The following FCHSD2 variants were observed in gnomAD, a reference collection of about 807,000 sequenced individuals.
FCHSD2 encodes FCH and double SH3 domains 2.
A neutral mutation model predicts 108.1 loss-of-function variants in FCHSD2; 38 were observed. The observed-to-expected ratio is 0.35, with a 90% CI of 0.27 to 0.46. The LOEUF (loss-of-function observed/expected upper bound fraction) is 0.46, where lower values mean the gene tolerates loss of function less well. Among genes scored for constraint, FCHSD2 ranks in the 20% least tolerant of loss-of-function variants. FCHSD2 has a pLI of 1.00. For missense variants in FCHSD2, 751 were observed against 897.8 expected (o/e 0.84, Z 2.09); for synonymous variants, 279 against 314.7 (o/e 0.89, Z 1.20).
intron 9 of FCHSD2, among the ~76,000 whole-genome samples, chr11:72,915,509 A>G (rs1855854520): frequency 1.3e-5 from 2 of 152,308 alleles, no homozygotes; most frequent in East Asian, 3.9e-4. Flanking sequence ...ATGCCCACCA[A>G]TGATAGACTG....
At chr11:73,044,317 T>C (rs75545303) in intron 3 of FCHSD2, among the ~76,000 whole-genome samples, 510 of 152,296 alleles carry the variant, frequency 3.3e-3, no homozygotes, top group African/African-American at 0.012. Flanking sequence ...GTGTCTTATA[T>C]CTGTAATCCC....
In FCHSD2 at chr11:73,065,010, G is replaced by A. The variant is rs145182565; in HGVS notation, c.165+18685C>T. ...GAATCCTCCCTAACTCCTTTCATGA[G>A]GCCAGCATCATCCTGATACCAAAGC... On this transcript the variant is annotated intron_variant, in intron 3 of 19. Coordinates refer to ENST00000409418, the MANE Select transcript of FCHSD2 (RefSeq NM_014824.3). Among the ~76,000 whole-genome samples, 782 of 152,210 alleles carry A rather than the reference G, an allele frequency of 5.1e-3. 6 individuals carry two copies. Among genetic ancestry groups the A allele is most frequent in the African/African-American group, 0.018 (760 of 41,514 alleles).
intron 3 of FCHSD2, among the ~76,000 whole-genome samples, chr11:73,034,770 C>T (rs1006360285): frequency 1.3e-5 from 2 of 152,114 alleles, no homozygotes; most frequent in African/African-American, 4.8e-5. Flanking sequence ...TTGCAATTTA[C>T]TTATTAAGGA....
rs60223064 is a variant in FCHSD2, at chr11:73,096,987, A to ATT, written c.120-13249_120-13248dup. ...CTAATGTGATGTATTTCATTGATGG[A>ATT]TTTTTTTTTTTTTTTTTTTTTTTTT... On this transcript the variant is annotated intron_variant, in intron 2 of 19. Coordinates refer to ENST00000409418, the MANE Select transcript of FCHSD2 (RefSeq NM_014824.3). Among the ~76,000 whole-genome samples the ATT allele has an allele frequency of 4.1e-3, 111 of 27,034 alleles. 32 individuals carry two copies. The highest frequency in any genetic ancestry group is 5.0e-3 in the Admixed American group (6 of 1,190). 17.7% of individuals were successfully genotyped at this position (27,034 alleles called of 152,430 possible).
intron 8 of FCHSD2, among the ~76,000 whole-genome samples, chr11:72,961,038 CAT>C (rs1428793645): frequency 6.6e-6 from 1 of 152,184 alleles, no homozygotes; most frequent in African/African-American, 2.4e-5. Context: ...AGGTAACACA[CAT>C]GTGAGGCTGC....
At chr11:72,855,479 A>C (rs1861404734) in intron 13 of FCHSD2, among the ~76,000 whole-genome samples, 1 of 152,162 alleles carries the variant, frequency 6.6e-6, no homozygotes, top group South Asian at 2.1e-4. Flanking sequence ...CCATCTCAAA[A>C]AAAAAAGAGT....
intron 18 of FCHSD2, 95 bp from the exon 19 acceptor site, chr11:72,841,054 G>A: frequency 1.1e-6 from 1 of 913,480 alleles, no homozygotes; most frequent in South Asian, 1.4e-5. Context: ...TGTAATCCCA[G>A]CACTTTGGGA....
At chr11:72,957,560 A>G (rs1192973827) in intron 8 of FCHSD2, among the ~76,000 whole-genome samples, 3 of 150,850 alleles carry the variant, frequency 2.0e-5, no homozygotes, top group Non-Finnish European at 4.4e-5. Context: ...AGATTTAATA[A>G]ATGATCCTGG....
chr11:72,949,094 T>C (rs1048410310), intron 8 of FCHSD2, among the ~76,000 whole-genome samples: 2 of 152,212 alleles, frequency 1.3e-5, no homozygotes, highest in African/African-American at 4.8e-5. Context: ...TGGCTTTTAG[T>C]ATATTCACAA....
intron 7 of FCHSD2, 36 bp from the exon 8 acceptor site, chr11:72,984,252 T>G (rs377484374): frequency 2.5e-6 from 4 of 1,609,198 alleles, no homozygotes; most frequent in East Asian, 2.2e-5. Context: ...CAGTGCAAAC[T>G]GATATTGTAC....
At chr11:73,085,366 T>C (rs1289420772) in intron 2 of FCHSD2, among the ~76,000 whole-genome samples, 3 of 152,166 alleles carry the variant, frequency 2.0e-5, no homozygotes, top group Non-Finnish European at 2.9e-5. Context: ...GAATGAATCA[T>C]GTAACCATTT....
chr11:73,126,339 T>TAAAAAAA (rs61586562), intron 2 of FCHSD2, among the ~76,000 whole-genome samples: 596 of 27,460 alleles, frequency 0.022, 18 homozygotes, highest in African/African-American at 0.029. Context: ...GATTCCATCT[T>TAAAAAAA]AAAAAAAAAA....
intron 8 of FCHSD2, chr11:72,983,846 G>A (rs766400010): frequency 1.7e-6 from 1 of 585,168 alleles, no homozygotes. Context: ...ACAAATGTTT[G>A]CCGCACCTAG....
intron 8 of FCHSD2, among the ~76,000 whole-genome samples, chr11:72,944,625 T>C (rs1022386491): frequency 2.6e-5 from 4 of 152,208 alleles, no homozygotes; most frequent in African/African-American, 9.7e-5. Context: ...TGTTTGTAGA[T>C]GACATGATTG....
intron 8 of FCHSD2, 104 bp from the exon 9 acceptor site, chr11:72,922,054 T>C (rs1855985019): frequency 2.9e-6 from 2 of 693,986 alleles, no homozygotes; most frequent in Admixed American, 2.9e-5. Flanking sequence ...TAAAATTTAT[T>C]ATTAATAATA....
chr11:72,921,919 T>C lies in FCHSD2; in HGVS notation c.737A>G (p.Lys246Arg). Residue 246 changes from lysine (K) to arginine (R), a missense_variant, in exon 9 of 20, where the codon AAG becomes AGG. Coordinates refer to ENST00000409418, the MANE Select transcript of FCHSD2 (RefSeq NM_014824.3). ...CCGGCTGAAGGCTATTAAATAATCCTTGAGATGATCATACACATTTCCATC... is the reference window on the plus strand; with the variant it reads ...CCGGCTGAAGGCTATTAAATAATCCCTGAGATGATCATACACATTTCCATC... The part of the protein sequence containing the change: ...ALDGNVYDHL[K>R]DYLIAFSRTE... 1.3e-6 allele frequency: 2 copies of C among 1,598,122 alleles called. No homozygotes were observed. The highest frequency in any genetic ancestry group is 1.7e-6 in the Non-Finnish European group (2 of 1,170,858).
At chr11:72,856,551 G>T (rs1377621359) in intron 13 of FCHSD2, among the ~76,000 whole-genome samples, 2 of 152,160 alleles carry the variant, frequency 1.3e-5, no homozygotes, top group Non-Finnish European at 2.9e-5. Flanking sequence ...GAGAGTTCCA[G>T]AATAATAAAT....
chr11:72,852,355 G>A (rs1180707819), intron 13 of FCHSD2, among the ~76,000 whole-genome samples: 1 of 152,126 alleles, frequency 6.6e-6, no homozygotes, highest in Non-Finnish European at 1.5e-5. Context: ...ATTCAACCCA[G>A]CAATCCCATT....
intron 2 of FCHSD2, among the ~76,000 whole-genome samples, chr11:73,132,010 C>T (rs1318221290): frequency 6.6e-6 from 1 of 152,180 alleles, no homozygotes; most frequent in Non-Finnish European, 1.5e-5. Flanking sequence ...ATCCTCCATG[C>T]TATCAAAAGC....
Sources: allele counts gnomAD v4.1 joint callset (sites outside exome capture counted in the v4.1 genomes callset), GRCh38; gene constraint gnomAD v4.1.1; transcripts MANE v1.5; gene names NCBI Gene and HGNC (gene_info 2026-07-23, HGNC 2026-07-21).